The following ZNF195 variants were observed in gnomAD, a reference collection of about 807,000 sequenced individuals.
ZNF195 encodes zinc finger protein 195, also known as hypoxia-regulated factor-1.
Under a neutral mutation model 19.5 loss-of-function variants are expected in ZNF195, and 11 were observed. That is an observed-to-expected ratio of 0.57 (90% CI 0.36 to 0.94). The LOEUF is 0.94. Ranked by LOEUF, ZNF195 falls within the 40% of genes least tolerant of loss-of-function variation. ZNF195 has a pLI of 0.01. For missense variants in ZNF195, 582 were observed against 709.0 expected, an observed-to-expected ratio of 0.82 and a Z score of 2.03; for synonymous variants, 214 against 248.1, an observed-to-expected ratio of 0.86 and a Z score of 1.29.
At chr11:3,377,143 T>C (rs1025516220) in intron 1 of ZNF195, among the ~76,000 whole-genome samples, 1 of 152,242 alleles carries the variant, frequency 6.6e-6, no homozygotes, top group Non-Finnish European at 1.5e-5. Context: ...TTGTAAGTAT[T>C]TTCTTACCTT....
intron 3 of ZNF195, among the ~76,000 whole-genome samples, chr11:3,369,970 T>C (rs1056584378): frequency 6.6e-6 from 1 of 152,222 alleles, no homozygotes. Context: ...TATCAAATTA[T>C]TACATTGTAC....
rs565541018 is a variant in ZNF195 at position 3,372,096 on chromosome 11, G to A, written c.4-393C>T. 1.6e-4 allele frequency among the ~76,000 whole-genome samples: 24 copies of A among 152,288 alleles called. 1 individual carries two copies. The South Asian group carries it at 5.0e-3, about 32-fold the overall frequency. On this transcript the variant is annotated intron_variant, in intron 1 of 5. Transcript: ENST00000399602. ...TCAGGAAATCGGAGGTCAAGGCTGA[G>A]TTTCCGAATTTCTAACGCGCTCACC...
rs1443892863 is a variant in ZNF195, at chr11:3,360,395, T to A, written c.613A>T (p.Asn205Tyr). 4 of 1,611,872 alleles carry A rather than the reference T, an allele frequency of 2.5e-6. No individual in the cohort carries two copies. Among genetic ancestry groups the A allele is most frequent in the Non-Finnish European group, 3.4e-6 (4 of 1,179,292 alleles). The change falls in exon 6 of 6, where the codon AAC (asparagine) becomes TAC (tyrosine). Residue 205 changes from asparagine to tyrosine, a missense_variant. This residue lies in a region of ZNF195 where 407 missense variants were observed against 530.5 expected (regional missense o/e 0.77). Transcript: ENST00000399602. ...CTATGGGTAGTTGATGAACATTGGT[T>A]AAGTCCATTATAATCTTTTTGCAAC... is the stretch of plus-strand genomic sequence containing the variant. ...CKLQKDYNGL[N>Y]QCSSTTHSKI...
rs767414652 is a variant in ZNF195 at position 3,377,638 on chromosome 11, C to A, written c.3+1400G>T. 12 of 1,239,542 alleles carry A rather than the reference C, an allele frequency of 9.7e-6. No homozygotes were observed. The East Asian group carries it at 4.9e-4, about 51-fold the overall frequency. 76.8% of individuals were successfully genotyped at this position (1,239,542 alleles called of 1,614,324 possible). On this transcript the variant is annotated intron_variant, in intron 1 of 5. Transcript: ENST00000399602. Reference sequence around the variant, plus strand: ...TTACCTCTTTAGAGGAAGAGTAGACCAGGAGATTTCTCTCAGCCCAGGGCA... The same window carrying A: ...TTACCTCTTTAGAGGAAGAGTAGACAAGGAGATTTCTCTCAGCCCAGGGCA...
At chr11:3,365,173 G>A (rs531655391) in intron 3 of ZNF195, among the ~76,000 whole-genome samples, 51 of 152,294 alleles carry the variant, frequency 3.3e-4, no homozygotes, top group Non-Finnish European at 6.0e-4. Flanking sequence ...GGAGAGAAGT[G>A]AAGCAAGATG....
chr11:3,367,961 C>T (rs188807268), intron 3 of ZNF195, among the ~76,000 whole-genome samples: 8 of 151,966 alleles, frequency 5.3e-5, no homozygotes, highest in African/African-American at 1.9e-4. Flanking sequence ...TGTGTAAATC[C>T]CAGCTACTCA....
intron 3 of ZNF195, 138 bp from the exon 4 acceptor site, chr11:3,362,027 T>G (rs1430886826): frequency 2.2e-6 from 1 of 448,498 alleles, no homozygotes; most frequent in South Asian, 1.6e-5. Flanking sequence ...CCACTGCACT[T>G]CCAGCCTGAG....
Position 3,360,772 on chromosome 11 carries a change from C to A in ZNF195, c.390G>T (p.Gly130=), listed in dbSNP as rs1431478782. 1 of 1,551,364 alleles carries A rather than the reference C, an allele frequency of 6.4e-7. No individual in the cohort carries two copies. The highest frequency in any genetic ancestry group is 8.7e-7 in the Non-Finnish European group (1 of 1,146,918). ...AAAACCATTTCACAGTTTGCAGCACCCCAGGTGAGCACAGTGCTAGGAGCC... is the reference window on the plus strand; with the variant it reads ...AAAACCATTTCACAGTTTGCAGCACACCAGGTGAGCACAGTGCTAGGAGCC... ...VDKFTALCSP[G]VLQTVKWFLE... Residue 130 remains glycine (G), a synonymous_variant, in exon 5 of 6, where the codon GGG becomes GGT. Coordinates refer to ENST00000399602, the MANE Select transcript of ZNF195 (RefSeq NM_001130520.3).
rs1322895113 is a variant in ZNF195 at position 3,371,723 on chromosome 11, A to G, written c.4-20T>C. 1.8e-5 allele frequency: 28 copies of G among 1,580,130 alleles called. No individual in the cohort carries two copies. Among genetic ancestry groups the G allele is most frequent in the Non-Finnish European group, 1.9e-5 (22 of 1,162,614 alleles). The stretch of plus-strand genomic sequence containing the variant: ...CAGAGTCTGAAGAAGAAACAACAAC[A>G]ATAACAAATACTTGATTCGAGGTGA... On this transcript the variant is annotated intron_variant, in intron 1 of 5. Transcript: ENST00000399602.
intron 2 of ZNF195, 79 bp from the exon 3 acceptor site, chr11:3,371,149 A>G: frequency 7.7e-7 from 1 of 1,305,896 alleles, no homozygotes; most frequent in Non-Finnish European, 1.1e-6. Flanking sequence ...TAGTAGAGTG[A>G]ACATTATATA....
chr11:3,361,957 GC>G (rs1167888806), intron 3 of ZNF195, 68 bp from the exon 4 acceptor site: 1 of 420,924 alleles, frequency 2.4e-6, no homozygotes, highest in Non-Finnish European at 4.8e-6. Context: ...TACTCAGAAG[GC>G]TGGAGTGGGA....
chr11:3,371,487 C>T, intron 2 of ZNF195, 90 bp downstream of exon 2: 1 of 1,543,082 alleles, frequency 6.5e-7, no homozygotes, highest in Non-Finnish European at 8.9e-7. Flanking sequence ...CTCATTCATG[C>T]AACGCAGAAA....
In ZNF195 at chr11:3,378,932, C is replaced by G. The variant is rs925636468; in HGVS notation, c.3+106G>C. 2.4e-6 allele frequency: 3 copies of G among 1,264,900 alleles called. No homozygotes were observed. In the African/African-American group the frequency reaches 4.7e-5, roughly 20 times the overall value. 78.4% of individuals were successfully genotyped at this position (1,264,900 alleles called of 1,614,324 possible). On this transcript the variant is annotated intron_variant, in intron 1 of 5. Coordinates refer to ENST00000399602, the MANE Select transcript of ZNF195 (RefSeq NM_001130520.3). Reference sequence around the variant, plus strand: ...GGTGCAGCTGGAGGGGCCTCGGGTCCGCGGAGCCCGGAACCCACCCGGGCA... The same window carrying G: ...GGTGCAGCTGGAGGGGCCTCGGGTCGGCGGAGCCCGGAACCCACCCGGGCA...
intron 1 of ZNF195, among the ~76,000 whole-genome samples, chr11:3,375,996 A>G (rs1240828882): frequency 1.3e-5 from 2 of 152,050 alleles, no homozygotes; most frequent in Admixed American, 6.5e-5. Context: ...CCCTGTTGCA[A>G]TCCTCCTTTA....
Position 3,367,033 on chromosome 11 carries a change from A to C in ZNF195, c.226+3942T>G, listed in dbSNP as rs113515422. On this transcript the variant is annotated intron_variant, in intron 3 of 5. Transcript: ENST00000399602. ...TGAGCTGAGATGGCACCACTGCACTACAGCCTGGGTGATAGAGTGAAACTC... is the reference window on the plus strand; with the variant it reads ...TGAGCTGAGATGGCACCACTGCACTCCAGCCTGGGTGATAGAGTGAAACTC... The C allele has an allele frequency of 1.3e-3, 576 of 427,922 alleles. 3 individuals carry two copies. The highest frequency in any genetic ancestry group is 0.011 in the African/African-American group (533 of 48,630). 26.5% of individuals were successfully genotyped at this position (427,922 alleles called of 1,614,324 possible). A position where few individuals can be genotyped will look rare whatever the true frequency, so the allele number is the denominator to read the frequency against.
At chr11:3,377,534 A>C (rs1849524856) in intron 1 of ZNF195, 1 of 997,540 alleles carries the variant, frequency 1.0e-6, no homozygotes. Flanking sequence ...TGACAGGGGC[A>C]TGTGATTGGC....
chr11:3,371,481 T>C (rs879227097), intron 2 of ZNF195, 96 bp downstream of exon 2: 2 of 1,521,520 alleles, frequency 1.3e-6, no homozygotes, highest in South Asian at 1.2e-5. Context: ...CTGAAACTCA[T>C]TCATGCAACG....
chr11:3,369,426 T>C, intron 3 of ZNF195: 2 of 426,550 alleles, frequency 4.7e-6, no homozygotes, highest in South Asian at 3.3e-5. Flanking sequence ...TCTTGAAGAA[T>C]TATCTGCTCC....
intron 1 of ZNF195, among the ~76,000 whole-genome samples, chr11:3,375,922 G>C (rs1450795362): frequency 6.6e-6 from 1 of 152,214 alleles, no homozygotes; most frequent in Non-Finnish European, 1.5e-5. Flanking sequence ...TGGTGAGAGA[G>C]TTCCTGGTGA....
Sources: gnomAD v4.1 joint callset for allele counts (sites outside exome capture counted in the v4.1 genomes callset) on GRCh38, gnomAD v4.1.1 for gene constraint, gnomAD v4.1.1 regional missense constraint, MANE v1.5 for transcripts, NCBI Gene and HGNC (gene_info 2026-07-23, HGNC 2026-07-21) for gene names.